The following DCC variants were observed in gnomAD, a reference collection of about 807,000 sequenced individuals.
DCC encodes the protein netrin receptor DCC.
A neutral mutation model predicts 172.5 loss-of-function variants in DCC; 58 were observed. That is an observed-to-expected ratio of 0.34 (90% CI 0.27 to 0.42). The LOEUF (loss-of-function observed/expected upper bound fraction) is 0.42. Among genes scored for constraint, DCC ranks in the 10% least tolerant of loss-of-function variants. The probability of loss-of-function intolerance (pLI) is 1.00; values close to 1 mark genes in which losing one functional copy is unlikely to be tolerated. For synonymous variants in DCC, 709 were observed against 644.5 expected (o/e 1.10, Z -1.52); for missense variants, 1,740 against 1,791.0 (o/e 0.97, Z 0.51).
intron 27 of DCC, 23 bp from the exon 28 acceptor site, chr18:53,526,594 C>G (rs1355455691): frequency 6.2e-7 from 1 of 1,612,396 alleles, no homozygotes; most frequent in Non-Finnish European, 8.5e-7. Context: ...ACATTACTTT[C>G]ATCACTGTGT....
intron 21 of DCC, among the ~76,000 whole-genome samples, chr18:53,432,548 C>T (rs1413120097): frequency 1.3e-5 from 2 of 152,156 alleles, no homozygotes; most frequent in Non-Finnish European, 2.9e-5. Flanking sequence ...TTCTCGAAAT[C>T]AGTGCTTATG....
At chr18:52,830,027 C>T (rs1443321990) in intron 2 of DCC, among the ~76,000 whole-genome samples, 1 of 151,948 alleles carries the variant, frequency 6.6e-6, no homozygotes, top group East Asian at 1.9e-4. Flanking sequence ...GGATGATGCC[C>T]AGAAAGAGCC....
chr18:52,958,287 T>G (rs2040781264), intron 5 of DCC, among the ~76,000 whole-genome samples: 1 of 152,138 alleles, frequency 6.6e-6, no homozygotes. Flanking sequence ...CAAAAATAGA[T>G]AATCTATCAA....
At chr18:52,818,606 A>T (rs1221070009) in intron 2 of DCC, among the ~76,000 whole-genome samples, 1 of 141,060 alleles carries the variant, frequency 7.1e-6, no homozygotes, top group East Asian at 2.0e-4. Flanking sequence ...AATTGAATGA[A>T]ATAAGGAACC....
intron 1 of DCC, among the ~76,000 whole-genome samples, chr18:52,477,737 T>C (rs1228286116): frequency 6.6e-6 from 1 of 152,152 alleles, no homozygotes; most frequent in Non-Finnish European, 1.5e-5. Context: ...ATTCCTAATG[T>C]TTGACAATCA....
At chr18:53,126,282 A>C (rs1285771494) in intron 7 of DCC, among the ~76,000 whole-genome samples, 1 of 152,094 alleles carries the variant, frequency 6.6e-6, no homozygotes, top group Non-Finnish European at 1.5e-5. Flanking sequence ...CTGGGATACT[A>C]TTTGTGCCTA....
intron 5 of DCC, among the ~76,000 whole-genome samples, chr18:52,961,058 A>G (rs1031203662): frequency 1.3e-5 from 2 of 152,154 alleles, no homozygotes; most frequent in Non-Finnish European, 2.9e-5. Flanking sequence ...ACTCTATGAT[A>G]CAGCATTTAC....
intron 5 of DCC, chr18:52,931,682 A>G (rs1318630290): frequency 6.6e-6 from 1 of 152,154 alleles, no homozygotes; most frequent in African/African-American, 2.4e-5. Context: ...AGATATCTTT[A>G]TTAGACAAGA....
intron 1 of DCC, among the ~76,000 whole-genome samples, chr18:52,670,113 A>G (rs575286698): frequency 8.5e-5 from 13 of 152,366 alleles, no homozygotes; most frequent in Admixed American, 8.5e-4. Flanking sequence ...CTTGGACAAA[A>G]TGACCAAGAT....
intron 7 of DCC, among the ~76,000 whole-genome samples, chr18:53,151,904 T>G (rs2144380094): frequency 6.6e-6 from 1 of 152,126 alleles, no homozygotes; most frequent in East Asian, 1.9e-4. Flanking sequence ...GAAATAACTT[T>G]ATGAACTGTA....
At chr18:52,520,181 C>T (rs1173982359) in intron 1 of DCC, among the ~76,000 whole-genome samples, 1 of 152,176 alleles carries the variant, frequency 6.6e-6, no homozygotes, top group Non-Finnish European at 1.5e-5. Flanking sequence ...CCCAGTGCTG[C>T]CCTCCACAGT....
intron 7 of DCC, among the ~76,000 whole-genome samples, chr18:53,155,751 G>A (rs1206852648): frequency 1.3e-5 from 2 of 152,214 alleles, no homozygotes; most frequent in African/African-American, 4.8e-5. Context: ...AACAGGCTGG[G>A]AGAGGTGGCT....
At chr18:53,501,824 C>A (rs745846529) in intron 27 of DCC, among the ~76,000 whole-genome samples, 4 of 152,114 alleles carry the variant, frequency 2.6e-5, no homozygotes, top group Admixed American at 1.3e-4. Context: ...CAAAAGGATA[C>A]AATTTTTTTT....
intron 2 of DCC, among the ~76,000 whole-genome samples, chr18:52,838,092 T>C (rs1033157577): frequency 1.3e-5 from 2 of 152,096 alleles, no homozygotes; most frequent in African/African-American, 4.8e-5. Flanking sequence ...ACATGACACA[T>C]GGGGATTCAA....
intron 2 of DCC, among the ~76,000 whole-genome samples, chr18:52,817,805 G>A (rs550678990): frequency 3.7e-4 from 46 of 123,844 alleles, no homozygotes; most frequent in Non-Finnish European, 6.1e-4. Flanking sequence ...ATATATATAT[G>A]TGTGTGTGTG....
intron 2 of DCC, among the ~76,000 whole-genome samples, chr18:52,849,657 G>A (rs2145336733): frequency 6.6e-6 from 1 of 152,204 alleles, no homozygotes; most frequent in South Asian, 2.1e-4. Flanking sequence ...TATGCCCCGA[G>A]CACCAAAGTT....
chr18:52,890,495 T>A (rs1568170638), intron 2 of DCC, among the ~76,000 whole-genome samples: 1 of 152,058 alleles, frequency 6.6e-6, no homozygotes, highest in Non-Finnish European at 1.5e-5. Flanking sequence ...AGGTAAGAAA[T>A]TTGGAAAATA....
intron 5 of DCC, among the ~76,000 whole-genome samples, chr18:53,051,811 G>C (rs2042337834): frequency 6.6e-6 from 1 of 151,810 alleles, no homozygotes; most frequent in South Asian, 2.1e-4. Flanking sequence ...TCTTAAATAA[G>C]ATATATCTCT....
At chr18:52,579,280 T>C (rs1480045060) in intron 1 of DCC, among the ~76,000 whole-genome samples, 1 of 152,194 alleles carries the variant, frequency 6.6e-6, no homozygotes, top group Admixed American at 6.5e-5. Flanking sequence ...GAGATTTCTT[T>C]ATAAAGATAA....
Sources: gnomAD v4.1 joint callset for allele counts (sites outside exome capture counted in the v4.1 genomes callset) on GRCh38, gnomAD v4.1.1 for gene constraint, MANE v1.5 for transcripts, NCBI Gene and HGNC (gene_info 2026-07-23, HGNC 2026-07-21) for gene names.